Variants in FBXO25 observed in about 807,000 individuals in gnomAD.
FBXO25 encodes the protein F-box only protein 25.
FBXO25 carries 45 observed loss-of-function variants against 51.9 expected under a neutral mutation model. The ratio of observed to expected loss-of-function variants is 0.87; its 90% CI spans 0.68 to 1.11. The LOEUF (loss-of-function observed/expected upper bound fraction) is 1.11. Ranked by LOEUF, FBXO25 falls within the 50% of genes most tolerant of loss-of-function variation. The pLI, the probability that FBXO25 is intolerant of heterozygous loss-of-function variation, is 0.00. For missense variants in FBXO25, 507 were observed against 428.5 expected (o/e 1.18, Z -1.62); for synonymous variants, 199 against 151.0 (o/e 1.32, Z -2.33).
intron 9 of FBXO25, among the ~76,000 whole-genome samples, chr8:466,231 G>C (rs919858889): frequency 6.6e-6 from 1 of 152,224 alleles, no homozygotes; most frequent in African/African-American, 2.4e-5. Flanking sequence ...CTCCTCCGCC[G>C]TGGGTTTGCC....
intron 2 of FBXO25, among the ~76,000 whole-genome samples, chr8:425,866 T>C (rs941711299): frequency 1.3e-5 from 2 of 151,680 alleles, no homozygotes; most frequent in African/African-American, 4.9e-5. Context: ...TTTATCCTTT[T>C]GGTATTTAGG....
At chr8:467,777 T>C in intron 9 of FBXO25, 2 of 1,613,108 alleles carry the variant, frequency 1.2e-6, no homozygotes, top group Non-Finnish European at 1.7e-6. Context: ...ACATCCTGTG[T>C]TCGGGATGAA....
In FBXO25 at chr8:476,848, G is replaced by C. The variant is rs1169370009; in HGVS notation, c.*8044G>C. 3 of 151,836 alleles carry C rather than the reference G, an allele frequency of 2.0e-5. No individual in the cohort carries two copies. The highest frequency in any genetic ancestry group is 2.9e-5 in the Non-Finnish European group (2 of 67,968). 9.4% of individuals were successfully genotyped at this position (151,836 alleles called of 1,614,324 possible). A position where few individuals can be genotyped will look rare whatever the true frequency, so the allele number is the denominator to read the frequency against. On this transcript the variant is annotated 3_prime_UTR_variant, in exon 10 of 10. Coordinates refer to ENST00000350302, the MANE Select transcript of FBXO25 (RefSeq NM_183420.2). ...TAATCATCTCCATTCTGCTGGCTTTGGGTTGATTGCTCTTCTTTTTCTAGT... is the reference window on the plus strand; with the variant it reads ...TAATCATCTCCATTCTGCTGGCTTTCGGTTGATTGCTCTTCTTTTTCTAGT...
intron 5 of FBXO25, among the ~76,000 whole-genome samples, chr8:448,649 C>G (rs1448230867): frequency 6.6e-6 from 1 of 152,162 alleles, no homozygotes; most frequent in Non-Finnish European, 1.5e-5. Context: ...AGCTGTGTGG[C>G]TGAGGGTGAC....
chr8:439,572 T>C (rs1798301564), intron 5 of FBXO25, among the ~76,000 whole-genome samples: 1 of 152,244 alleles, frequency 6.6e-6, no homozygotes, highest in Non-Finnish European at 1.5e-5. Context: ...TAGTTTAGTT[T>C]CTTGCCATCA....
intron 2 of FBXO25, among the ~76,000 whole-genome samples, chr8:429,946 C>T (rs939235072): frequency 3.2e-4 from 48 of 152,328 alleles, no homozygotes; most frequent in African/African-American, 1.1e-3. Flanking sequence ...GAACCTGGCC[C>T]CACCACCTAT....
intron 7 of FBXO25, among the ~76,000 whole-genome samples, chr8:457,121 A>T (rs1289874635): frequency 1.3e-5 from 2 of 152,066 alleles, no homozygotes; most frequent in Non-Finnish European, 2.9e-5. Flanking sequence ...CAAAAGGAAA[A>T]CACAAATCAG....
intron 1 of FBXO25, among the ~76,000 whole-genome samples, chr8:410,664 G>T (rs916581397): frequency 1.3e-5 from 2 of 152,146 alleles, no homozygotes; most frequent in African/African-American, 4.8e-5. Flanking sequence ...GATAACTTTA[G>T]GTCGACTGAA....
chr8:451,039 T>C, intron 6 of FBXO25: 1 of 403,884 alleles, frequency 2.5e-6, no homozygotes, highest in Non-Finnish European at 4.3e-6. Flanking sequence ...ATATTTGTCC[T>C]TTTGTAGCTA....
rs1310736312 is a variant in FBXO25 at position 475,630 on chromosome 8, G to C, written c.*6826G>C. ...TATGGTTTTCAAGTACAAGTCTTTT[G>C]CTTCCTTAAGTTTATTCCTAAATAT... is the stretch of plus-strand genomic sequence containing the variant. On this transcript the variant is annotated 3_prime_UTR_variant, in exon 10 of 10. Coordinates refer to ENST00000350302, the MANE Select transcript of FBXO25 (RefSeq NM_183420.2). 6.6e-6 allele frequency: 1 copy of C among 152,050 alleles called. No homozygotes were observed. Among genetic ancestry groups the C allele is most frequent in the African/African-American group, 2.4e-5 (1 of 41,430 alleles). 9.4% of individuals were successfully genotyped at this position (152,050 alleles called of 1,614,324 possible).
chr8:412,464 G>A (rs189032381), intron 1 of FBXO25, among the ~76,000 whole-genome samples: 1 of 152,128 alleles, frequency 6.6e-6, no homozygotes, highest in Non-Finnish European at 1.5e-5. Flanking sequence ...TTTCCTCCAG[G>A]TGACCCTCAC....
intron 2 of FBXO25, 82 bp downstream of exon 2, chr8:413,295 T>C: frequency 1.5e-6 from 2 of 1,373,582 alleles, no homozygotes; most frequent in South Asian, 4.6e-5. Flanking sequence ...CCTGCAAAGC[T>C]CCATAACTTT....
In FBXO25 at chr8:447,890, T is replaced by A. The variant is rs191263386; in HGVS notation, c.382-2100T>A. 3.1e-3 allele frequency among the ~76,000 whole-genome samples: 464 copies of A among 151,926 alleles called. 2 individuals carry two copies. Among genetic ancestry groups the A allele is most frequent in the African/African-American group, 0.01 (431 of 41,402 alleles). On this transcript the variant is annotated intron_variant, in intron 5 of 9. Transcript: ENST00000350302. ...GGGATGCTCAACCTGTACAACCAAGTGAGACAGCAGGAGACAAAGTCAAGT... is the reference window on the plus strand; with the variant it reads ...GGGATGCTCAACCTGTACAACCAAGAGAGACAGCAGGAGACAAAGTCAAGT...
At chr8:453,785 CT>C (rs1799246614) in intron 7 of FBXO25, among the ~76,000 whole-genome samples, 2 of 152,312 alleles carry the variant, frequency 1.3e-5, no homozygotes, top group South Asian at 4.1e-4. Flanking sequence ...CTCCAGTGAG[CT>C]GACAGTTGTC....
intron 5 of FBXO25, among the ~76,000 whole-genome samples, chr8:438,257 C>T (rs1278433438): frequency 6.6e-6 from 1 of 152,112 alleles, no homozygotes; most frequent in Non-Finnish European, 1.5e-5. Context: ...TGGGGTTTCG[C>T]CATTTTGGCC....
At chr8:465,859 G>A (rs933825065) in intron 9 of FBXO25, among the ~76,000 whole-genome samples, 3 of 152,078 alleles carry the variant, frequency 2.0e-5, no homozygotes, top group Non-Finnish European at 4.4e-5. Context: ...TGTAATTTCT[G>A]ATTTTTTTAA....
chr8:475,706 A>C lies in FBXO25; in HGVS notation c.*6902A>C, dbSNP rs1373189819. The C allele has an allele frequency of 6.6e-6, 1 of 151,944 alleles. No homozygotes were observed. The highest frequency in any genetic ancestry group is 1.5e-5 in the Non-Finnish European group (1 of 67,988). The allele number at this position is 151,944 out of a possible 1,614,324, so 9.4% of individuals were successfully genotyped here. A position where few individuals can be genotyped will look rare whatever the true frequency, so the allele number is the denominator to read the frequency against. Reference sequence around the variant, plus strand: ...TGGAATTTTCTTAAATTTCCTTTTGAGATTGCTTGTTATTGTATAGAAATA... The same window carrying C: ...TGGAATTTTCTTAAATTTCCTTTTGCGATTGCTTGTTATTGTATAGAAATA... On this transcript the variant is annotated 3_prime_UTR_variant, in exon 10 of 10. Transcript: ENST00000350302.
intron 8 of FBXO25, among the ~76,000 whole-genome samples, chr8:459,189 G>T (rs1799648618): frequency 6.6e-6 from 1 of 152,228 alleles, no homozygotes; most frequent in Admixed American, 6.5e-5. Context: ...GCTCTGCACA[G>T]GGCTGGTCGC....
intron 2 of FBXO25, among the ~76,000 whole-genome samples, chr8:422,279 G>A (rs1264012561): frequency 6.6e-6 from 1 of 152,242 alleles, no homozygotes; most frequent in Admixed American, 6.5e-5. Context: ...GTGTGGTGCT[G>A]TGTGAATGGC....
Sources: gnomAD v4.1 joint callset for allele counts (sites outside exome capture counted in the v4.1 genomes callset) on GRCh38, gnomAD v4.1.1 for gene constraint, MANE v1.5 for transcripts, NCBI Gene and HGNC (gene_info 2026-07-23, HGNC 2026-07-21) for gene names.